Variants in TEDC1 observed in about 807,000 individuals in gnomAD.
The protein encoded by TEDC1 is tubulin epsilon and delta complex protein 1.
TEDC1 carries 54 observed loss-of-function variants against 59.9 expected under a neutral mutation model. The observed-to-expected ratio is 0.90, with a 90% CI of 0.72 to 1.13. The LOEUF (loss-of-function observed/expected upper bound fraction) is 1.13. Among genes scored for constraint, TEDC1 ranks in the 50% most tolerant of loss-of-function variants. TEDC1 has a pLI of 0.00. For synonymous variants in TEDC1, 353 were observed against 298.1 expected (o/e 1.18, Z -1.90); for missense variants, 734 against 683.4 (o/e 1.07, Z -0.83).
upstream of TEDC1, chr14:105,491,045 A>G: frequency 6.4e-7 from 1 of 1,551,218 alleles, no homozygotes; most frequent in Middle Eastern, 1.7e-4. Context: ...ACTCCAGGGG[A>G]ACCGTTCATT....
In TEDC1 at chr14:105,494,175, G is replaced by T. The variant is rs943940867; in HGVS notation, c.684+242G>T. On this transcript the variant is annotated intron_variant, in intron 5 of 8. Transcript: ENST00000392523. ...AAATCAAGACGTGGCACGGGTGGGG[G>T]CCCAGGACGCAGGAGCCTGGGCTGG... The T allele has an allele frequency of 7.0e-6, 4 of 571,040 alleles. No homozygotes were observed. In the East Asian group the frequency reaches 8.8e-5, roughly 13 times the overall value. The allele number at this position is 571,040 out of a possible 1,614,324, so 35.4% of individuals were successfully genotyped here.
In TEDC1 at chr14:105,492,747, C is replaced by T. The variant is rs1260722115; in HGVS notation, c.585+13C>T. ...CCTCCTGAGCAAGGTAGAGCTGGCACAGGGCTTCCACTCAGGGGCTGTGTC... is the reference window on the plus strand; with the variant it reads ...CCTCCTGAGCAAGGTAGAGCTGGCATAGGGCTTCCACTCAGGGGCTGTGTC... On this transcript the variant is annotated intron_variant, in intron 4 of 8. Coordinates refer to ENST00000392523, the MANE Select transcript of TEDC1 (RefSeq NM_001367178.1). 1 of 1,538,962 alleles carries T rather than the reference C, an allele frequency of 6.5e-7. No homozygotes were observed. Among genetic ancestry groups the T allele is most frequent in the Admixed American group, 2.0e-5 (1 of 50,930 alleles).
chr14:105,490,852 G>C, upstream of TEDC1: 1 of 687,486 alleles, frequency 1.5e-6, no homozygotes, highest in Non-Finnish European at 2.5e-6. Context: ...GCGCGCTCCC[G>C]CCCGGCGGTT....
At position 105,497,509 on chromosome 14, in the gene TEDC1, G is replaced by A. The variant is rs587685166; in HGVS notation, c.978+66G>A. 5.0e-5 allele frequency: 76 copies of A among 1,506,150 alleles called. No individual in the cohort carries two copies. In the South Asian group the frequency reaches 6.3e-4, roughly 12 times the overall value. 93.3% of individuals were successfully genotyped at this position (1,506,150 alleles called of 1,614,324 possible). The stretch of plus-strand genomic sequence containing the variant: ...ACAGCAGCCCCCAGGTGGGGCATTC[G>A]GGATCTTCCTGTTTTCCAGACAGGA... On this transcript the variant is annotated intron_variant, in intron 7 of 8. Coordinates refer to ENST00000392523, the MANE Select transcript of TEDC1 (RefSeq NM_001367178.1).
In TEDC1 at chr14:105,492,560, G is replaced by A; in HGVS notation, c.430-19G>A. The A allele has an allele frequency of 6.5e-7, 1 of 1,535,546 alleles. No homozygotes were observed. The highest frequency in any genetic ancestry group is 8.7e-7 in the Non-Finnish European group (1 of 1,146,094). Reference sequence around the variant, plus strand: ...GCAGGGTGGGGTGGGAGCAGGGCCTGACCCTTGCCCCTCTCCAGTGTGAGG... The same window carrying A: ...GCAGGGTGGGGTGGGAGCAGGGCCTAACCCTTGCCCCTCTCCAGTGTGAGG... On this transcript the variant is annotated intron_variant, in intron 3 of 8. Transcript: ENST00000392523.
intron 2 of TEDC1, 36 bp downstream of exon 2, chr14:105,491,736 A>G (rs782625404): frequency 7.2e-6 from 11 of 1,526,736 alleles, no homozygotes; most frequent in Non-Finnish European, 8.8e-6. Context: ...ACCCGGTAGC[A>G]CTGGCCCCGC....
Position 105,499,021 on chromosome 14 carries a change from A to G in TEDC1, c.*75A>G. 2 of 1,452,056 alleles carry G rather than the reference A, an allele frequency of 1.4e-6. No homozygotes were observed. The highest frequency in any genetic ancestry group is 1.4e-5 in the South Asian group (1 of 73,264). 89.9% of individuals were successfully genotyped at this position (1,452,056 alleles called of 1,614,324 possible). A position where few individuals can be genotyped will look rare whatever the true frequency, so the allele number is the denominator to read the frequency against. ...GCTGGGTCTTGGAGGAGCAGATTCCAAGGCCAGGTGGCCGCAGGGACGATG... is the reference window on the plus strand; with the variant it reads ...GCTGGGTCTTGGAGGAGCAGATTCCGAGGCCAGGTGGCCGCAGGGACGATG... On this transcript the variant is annotated 3_prime_UTR_variant, in exon 9 of 9. Transcript: ENST00000392523.
intron 2 of TEDC1, 142 bp downstream of exon 2, chr14:105,491,842 C>A: frequency 1.8e-6 from 2 of 1,093,428 alleles, no homozygotes; most frequent in Non-Finnish European, 1.3e-6. Flanking sequence ...CAAAACTCCG[C>A]CTTCCCCGGT....
upstream of TEDC1, chr14:105,491,236 G>A (rs2084198336): frequency 6.5e-7 from 1 of 1,539,990 alleles, no homozygotes; most frequent in African/African-American, 1.4e-5. Context: ...CCCGTGCCAT[G>A]ATTGGGCTCA....
chr14:105,491,420 G>A lies in TEDC1; in HGVS notation c.45G>A (p.Arg15=), dbSNP rs2084204290. 7 of 1,424,058 alleles carry A rather than the reference G, an allele frequency of 4.9e-6. No individual in the cohort carries two copies. In the Admixed American group the frequency reaches 9.1e-5, roughly 19 times the overall value. The allele number at this position is 1,424,058 out of a possible 1,614,324, so 88.2% of individuals were successfully genotyped here. A position where few individuals can be genotyped will look rare whatever the true frequency, so the allele number is the denominator to read the frequency against. Residue 15 remains arginine, a synonymous_variant, in exon 1 of 9, where the codon CGG becomes CGA. Transcript: ENST00000392523. The stretch of plus-strand genomic sequence containing the variant: ...GGGTGGACCCCGCGGCTGGGGCCCG[G>A]GCCGGGGCCCTGCCTGAGGCCATCG... The part of the protein sequence containing the change: ...RQRVDPAAGA[R]AGALPEAIAA...
At chr14:105,495,693 C>G (rs2084328528) in intron 5 of TEDC1, 187 bp from the exon 6 acceptor site, 2 of 597,038 alleles carry the variant, frequency 3.3e-6, no homozygotes, top group South Asian at 4.1e-5. Context: ...GGCTTCTGGC[C>G]CCTGGGACCC....
rs11554478 is a variant in TEDC1, at chr14:105,491,662, C to T, written c.188C>T (p.Pro63Leu). 1.9e-6 allele frequency: 3 copies of T among 1,549,708 alleles called. No individual in the cohort carries two copies. Among genetic ancestry groups the T allele is most frequent in the Non-Finnish European group, 2.6e-6 (3 of 1,146,856 alleles). Residue 63 changes from proline to leucine, a missense_variant, in exon 2 of 9, where the codon CCA becomes CTA. Physicochemically the swap from Pro to Leu is moderately conservative, Grantham distance 98. Transcript: ENST00000392523. ...LWQLLFRVLS[P>L]LPAGNALASL... ...CAGCTCCTCTTCCGTGTGCTCTCGC[C>T]ACTCCCTGCGGGCAACGCCTTGGCA...
At position 105,491,346 on chromosome 14, in the gene TEDC1, G is replaced by A. The variant is rs2084201592; in HGVS notation, c.-30G>A. ...CAGGCCCCGGGCCGCGGCGGAGGCGGGCGATCCGAAAGAGGCTGGTGCTGG... is the reference window on the plus strand; with the variant it reads ...CAGGCCCCGGGCCGCGGCGGAGGCGAGCGATCCGAAAGAGGCTGGTGCTGG... On this transcript the variant is annotated 5_prime_UTR_variant, in exon 1 of 9. Coordinates refer to ENST00000392523, the MANE Select transcript of TEDC1 (RefSeq NM_001367178.1). 9 of 1,461,486 alleles carry A rather than the reference G, an allele frequency of 6.2e-6. No homozygotes were observed. The South Asian group carries it at 1.1e-4, about 18-fold the overall frequency. The allele number at this position is 1,461,486 out of a possible 1,614,324, so 90.5% of individuals were successfully genotyped here.
intron 6 of TEDC1, chr14:105,496,425 C>T: frequency 3.4e-6 from 1 of 293,362 alleles, no homozygotes; most frequent in Non-Finnish European, 6.5e-6. Context: ...CCCAGAGGGG[C>T]TGGGTTGGAC....
At chr14:105,497,707 G>T in intron 7 of TEDC1, 91 bp from the exon 8 acceptor site, 1 of 1,419,942 alleles carries the variant, frequency 7.0e-7, no homozygotes. Flanking sequence ...CCAGCCCGCT[G>T]TGGGACCTGG....
At chr14:105,496,145 G>GGGGGGCGCCCCC in intron 6 of TEDC1, 59 bp downstream of exon 6, 1 of 331,276 alleles carries the variant, frequency 3.0e-6, no homozygotes, top group Non-Finnish European at 5.9e-6. Flanking sequence ...TGGGTGGGAG[G>GGGGGGCGCCCCC]GGGTGGCGAG....
At chr14:105,492,333 G>A (rs200405621) in intron 3 of TEDC1, 24 bp downstream of exon 3, 55 of 1,597,114 alleles carry the variant, frequency 3.4e-5, no homozygotes, top group Non-Finnish European at 4.6e-5. Flanking sequence ...AGGGTGAGCT[G>A]AGCCAGCCCT....
At chr14:105,492,868 A>G in intron 4 of TEDC1, 134 bp downstream of exon 4, 1 of 1,267,708 alleles carries the variant, frequency 7.9e-7, no homozygotes, top group Non-Finnish European at 1.1e-6. Flanking sequence ...GCCCTGGCTT[A>G]CCCAAAGCCT....
chr14:105,493,952 C>A lies in TEDC1; in HGVS notation c.684+19C>A. ...CCAGCAGGTGAGGGCGGGCAAGCTG[C>A]TGCGGGGGGGTGGGGGTGGGCTGGG... On this transcript the variant is annotated intron_variant, in intron 5 of 8. Coordinates refer to ENST00000392523, the MANE Select transcript of TEDC1 (RefSeq NM_001367178.1). 1 of 152,144 alleles carries A rather than the reference C, an allele frequency of 6.6e-6. No homozygotes were observed. Among genetic ancestry groups the A allele is most frequent in the African/African-American group, 5.0e-5 (1 of 20,006 alleles). The allele number at this position is 152,144 out of a possible 1,614,324, so 9.4% of individuals were successfully genotyped here.
Sources: gnomAD v4.1 joint callset for allele counts on GRCh38, gnomAD v4.1.1 for gene constraint, MANE v1.5 for transcripts, NCBI Gene and HGNC (gene_info 2026-07-23, HGNC 2026-07-21) for gene names.